FOXN3: variants seen among roughly 807,000 people sequenced by gnomAD.
FOXN3 encodes forkhead box N3.
FOXN3 carries 7 observed loss-of-function variants against 38.4 expected under a neutral mutation model. The ratio of observed to expected loss-of-function variants is 0.18; its 90% CI spans 0.10 to 0.34. The LOEUF is 0.34. Ranked by LOEUF, FOXN3 falls within the 10% of genes least tolerant of loss-of-function variation. FOXN3 has a pLI of 1.00. For missense variants in FOXN3, 456 were observed against 613.4 expected, an observed-to-expected ratio of 0.74 and a Z score of 2.71; for synonymous variants, 230 against 242.2, an observed-to-expected ratio of 0.95 and a Z score of 0.47.
chr14:89,354,454 A>G (rs1236185270), intron 2 of FOXN3, among the ~76,000 whole-genome samples: 1 of 149,826 alleles, frequency 6.7e-6, no homozygotes, highest in Non-Finnish European at 1.5e-5. Context: ...TCAAACTCCT[A>G]ACCTGAAGTG....
intron 1 of FOXN3, among the ~76,000 whole-genome samples, chr14:89,544,059 G>A (rs1312224430): frequency 6.6e-6 from 1 of 151,884 alleles, no homozygotes; most frequent in African/African-American, 2.4e-5. Context: ...ATACAGTCTG[G>A]TACTATTTTA....
At chr14:89,292,312 C>T (rs561477023) in intron 3 of FOXN3, among the ~76,000 whole-genome samples, 1 of 152,226 alleles carries the variant, frequency 6.6e-6, no homozygotes, top group South Asian at 2.1e-4. Context: ...CTTTTGGCTC[C>T]CATTATTCTT....
chr14:89,493,923 T>C (rs995802183), intron 1 of FOXN3: 6 of 152,128 alleles, frequency 3.9e-5, no homozygotes, highest in African/African-American at 1.4e-4. Context: ...CCAAGGCCAT[T>C]TTCTTACCTT....
At chr14:89,430,069 G>A (rs752213445) in intron 1 of FOXN3, among the ~76,000 whole-genome samples, 1 of 152,114 alleles carries the variant, frequency 6.6e-6, no homozygotes, top group African/African-American at 2.4e-5. Flanking sequence ...GTTATTACAA[G>A]CAATCATGAT....
upstream of FOXN3, among the ~76,000 whole-genome samples, chr14:89,418,817 G>A (rs1891829264): frequency 6.6e-6 from 1 of 152,110 alleles, no homozygotes; most frequent in Non-Finnish European, 1.5e-5. Context: ...GTCAGTTGAG[G>A]GTGCTTATTC....
At chr14:89,411,484 G>A (rs978277672) in intron 2 of FOXN3, among the ~76,000 whole-genome samples, 2 of 152,132 alleles carry the variant, frequency 1.3e-5, no homozygotes, top group African/African-American at 4.8e-5. Context: ...GAACACTGGA[G>A]AAATTTCCCT....
intron 1 of FOXN3, among the ~76,000 whole-genome samples, chr14:89,466,146 G>A (rs1238060475): frequency 6.6e-6 from 1 of 152,228 alleles, no homozygotes; most frequent in Non-Finnish European, 1.5e-5. Context: ...AGCAACGACT[G>A]AATGCCTCTA....
intron 4 of FOXN3, among the ~76,000 whole-genome samples, chr14:89,251,264 G>T (rs1885446499): frequency 1.3e-5 from 2 of 152,136 alleles, no homozygotes; most frequent in African/African-American, 4.8e-5. Context: ...GCACACCCAT[G>T]CAAGTACTGT....
chr14:89,588,338 C>T (rs1000171904), intron 1 of FOXN3, among the ~76,000 whole-genome samples: 8 of 152,136 alleles, frequency 5.3e-5, no homozygotes, highest in African/African-American at 1.9e-4. Context: ...ATAAATTACC[C>T]GGTCTCAGGT....
chr14:89,467,806 T>G (rs865934550), intron 1 of FOXN3, among the ~76,000 whole-genome samples: 18 of 116,798 alleles, frequency 1.5e-4, no homozygotes, highest in South Asian at 8.7e-4. Flanking sequence ...CTTTCTTTGT[T>G]TTTTTTTTTT....
At chr14:89,391,698 A>G (rs12590423) in intron 2 of FOXN3, among the ~76,000 whole-genome samples, 23,460 of 152,044 alleles carry the variant, frequency 0.15, 2,354 homozygotes, top group East Asian at 0.34. Flanking sequence ...CTTGCAGGCT[A>G]TGTAGCTAAT....
At chr14:89,280,020 A>G (rs146278647) in intron 4 of FOXN3, among the ~76,000 whole-genome samples, 36 of 152,248 alleles carry the variant, frequency 2.4e-4, no homozygotes, top group African/African-American at 8.7e-4. Flanking sequence ...TAGACACTAA[A>G]ATCCCTCACC....
chr14:89,525,057 T>C (rs1441557118), intron 1 of FOXN3, among the ~76,000 whole-genome samples: 2 of 152,012 alleles, frequency 1.3e-5, no homozygotes, highest in East Asian at 1.9e-4. Flanking sequence ...GGTTCTCTTA[T>C]AAAAGCGCGG....
intron 2 of FOXN3, among the ~76,000 whole-genome samples, chr14:89,386,150 G>C (rs1353281004): frequency 6.6e-6 from 1 of 152,186 alleles, no homozygotes. Flanking sequence ...GGGAGGGTGG[G>C]TGAAAATTTC....
At position 89,452,497 on chromosome 14, in the gene FOXN3, G is replaced by T. The variant is rs139668922; in HGVS notation, c.-14-40007C>A. Reference sequence around the variant, plus strand: ...GCAGGCTCATTCTCCCCGGCCAGGTGTCCAGGCTGCGAGGCCATCTGGGTT... The same window carrying T: ...GCAGGCTCATTCTCCCCGGCCAGGTTTCCAGGCTGCGAGGCCATCTGGGTT... On this transcript the variant is annotated intron_variant, in intron 1 of 6. Transcript: ENST00000345097. 1.1e-3 allele frequency among the ~76,000 whole-genome samples: 161 copies of T among 152,330 alleles called. 2 individuals are homozygous for T. In the East Asian group the frequency reaches 0.028, roughly 27 times the overall value.
intron 1 of FOXN3, among the ~76,000 whole-genome samples, chr14:89,530,598 A>ATATTTTATTT (rs938978790): frequency 2.0e-5 from 3 of 151,930 alleles, no homozygotes; most frequent in African/African-American, 7.2e-5. Context: ...ATATGTATAT[A>ATATTTTATTT]TATTTTATTT....
intron 1 of FOXN3, among the ~76,000 whole-genome samples, chr14:89,437,671 C>T (rs1892299989): frequency 6.6e-6 from 1 of 152,240 alleles, no homozygotes; most frequent in Non-Finnish European, 1.5e-5. Flanking sequence ...CATGAATAAT[C>T]CACACCTTGT....
At chr14:89,201,612 A>C (rs1004076428) in intron 4 of FOXN3, among the ~76,000 whole-genome samples, 13 of 152,258 alleles carry the variant, frequency 8.5e-5, no homozygotes, top group African/African-American at 2.6e-4. Flanking sequence ...GCCCCTTGAG[A>C]CCACAGCCAA....
intron 1 of FOXN3, among the ~76,000 whole-genome samples, chr14:89,589,745 G>A (rs1233145917): frequency 6.8e-6 from 1 of 146,634 alleles, no homozygotes. Flanking sequence ...GGGGCGGGGG[G>A]TGCCTATTCC....
Sources: gnomAD v4.1 joint callset for allele counts (sites outside exome capture counted in the v4.1 genomes callset) on GRCh38, gnomAD v4.1.1 for gene constraint, MANE v1.5 for transcripts, NCBI Gene and HGNC (gene_info 2026-07-23, HGNC 2026-07-21) for gene names.